TMEM161B: variants seen among roughly 807,000 people sequenced by gnomAD.
TMEM161B encodes transmembrane protein 161B.
In TMEM161B, 34 loss-of-function variants were observed where a neutral mutation model predicts 61.8. That is an observed-to-expected ratio of 0.55 (90% confidence interval 0.42 to 0.73). TMEM161B has a LOEUF of 0.73. Among genes scored for constraint, TMEM161B ranks in the 30% least tolerant of loss-of-function variants. The pLI is 0.00. For synonymous variants in TMEM161B, 167 were observed against 192.8 expected (o/e 0.87, Z 1.11); for missense variants, 456 against 558.5 (o/e 0.82, Z 1.85).
At chr5:88,205,091 T>C (rs574105070) in intron 8 of TMEM161B, among the ~76,000 whole-genome samples, 5 of 152,280 alleles carry the variant, frequency 3.3e-5, no homozygotes, top group South Asian at 4.1e-4. Flanking sequence ...TGCATATGAT[T>C]TGAAGTAGAT....
At chr5:88,230,296 G>A (rs1341640114) in intron 2 of TMEM161B, among the ~76,000 whole-genome samples, 1 of 152,132 alleles carries the variant, frequency 6.6e-6, no homozygotes, top group Non-Finnish European at 1.5e-5. Flanking sequence ...ATGATAATGA[G>A]ATTGTGGTAA....
intron 4 of TMEM161B, among the ~76,000 whole-genome samples, chr5:88,222,860 C>A (rs768268662): frequency 2.8e-4 from 43 of 151,962 alleles, no homozygotes; most frequent in Non-Finnish European, 8.8e-5. Flanking sequence ...TATATATATG[C>A]CTTTTAATAA....
At chr5:88,207,290 AGT>A in intron 5 of TMEM161B, 110 bp from the exon 6 acceptor site, 2 of 1,075,806 alleles carry the variant, frequency 1.9e-6, no homozygotes, top group Non-Finnish European at 2.6e-6. Flanking sequence ...TTTATTTCCA[AGT>A]GGAGTTTAAA....
intron 1 of TMEM161B, among the ~76,000 whole-genome samples, chr5:88,266,260 C>T (rs907600422): frequency 6.6e-6 from 1 of 152,086 alleles, no homozygotes; most frequent in Non-Finnish European, 1.5e-5. Context: ...CAAAACATTC[C>T]AAGAGTTGTG....
downstream of TMEM161B, among the ~76,000 whole-genome samples, chr5:88,190,476 T>C (rs1748693914): frequency 6.6e-6 from 1 of 152,158 alleles, no homozygotes; most frequent in African/African-American, 2.4e-5. Context: ...GTCCTCCCTC[T>C]ACCTGGAGAA....
chr5:88,225,085 A>T (rs1749795795), intron 4 of TMEM161B, among the ~76,000 whole-genome samples: 1 of 146,352 alleles, frequency 6.8e-6, no homozygotes, highest in Non-Finnish European at 1.5e-5. Context: ...CTCCTGCCTC[A>T]GCTCCCTGAG....
In TMEM161B at chr5:88,207,100, A is replaced by T. The variant is rs1302698146; in HGVS notation, c.527T>A (p.Phe176Tyr). 6.2e-7 allele frequency: 1 copy of T among 1,613,110 alleles called. No homozygotes were observed. Among genetic ancestry groups the T allele is most frequent in the East Asian group, 2.2e-5 (1 of 44,720 alleles). Residue 176 changes from phenylalanine (F) to tyrosine (Y), a missense_variant, in exon 6 of 12, where the codon TTT becomes TAT. Phe to Tyr is a conservative substitution (Grantham distance 22). Transcript: ENST00000296595. The part of the protein sequence containing the change: ...GERSVCVTFG[F>Y]FFFVKAMAVL... ...TGCCATTGCTTTGACAAAGAAAAAA[A>T]ATCCAAAGGTGACACAAACAGATCT...
At position 88,223,941 on chromosome 5, in the gene TMEM161B, A is replaced by G. The variant is rs150489877; in HGVS notation, c.289+1828T>C. On this transcript the variant is annotated intron_variant, in intron 4 of 11. Transcript: ENST00000296595. ...AAATCATATTAGACAAGTGATTTAT[A>G]TTGTTCTTCACTGATATTTTTTAGT... Among the ~76,000 whole-genome samples, 585 of 152,266 alleles carry G rather than the reference A, an allele frequency of 3.8e-3. 5 individuals are homozygous for G. The highest frequency in any genetic ancestry group is 0.02 in the Middle Eastern group (6 of 294).
chr5:88,235,268 A>T (rs1038314691), intron 2 of TMEM161B, among the ~76,000 whole-genome samples: 2 of 152,228 alleles, frequency 1.3e-5, no homozygotes, highest in African/African-American at 2.4e-5. Context: ...TAGAAACCTA[A>T]ATGTGAGCAA....
At chr5:88,228,300 C>G in intron 3 of TMEM161B, 145 bp downstream of exon 3, 1 of 622,850 alleles carries the variant, frequency 1.6e-6, no homozygotes, top group South Asian at 2.0e-5. Context: ...TATATTACTA[C>G]AGATTAGATT....
At chr5:88,246,563 G>T (rs917719367) in intron 1 of TMEM161B, among the ~76,000 whole-genome samples, 1 of 151,814 alleles carries the variant, frequency 6.6e-6, no homozygotes, top group African/African-American at 2.4e-5. Flanking sequence ...ATGTATTAAT[G>T]TATAAAGTAG....
intron 5 of TMEM161B, among the ~76,000 whole-genome samples, chr5:88,210,820 C>T (rs1044007119): frequency 2.0e-5 from 3 of 152,038 alleles, no homozygotes; most frequent in African/African-American, 7.3e-5. Flanking sequence ...CTAACCAAGC[C>T]CTAATTACAT....
At chr5:88,253,893 A>G (rs373845) in intron 1 of TMEM161B, among the ~76,000 whole-genome samples, 119,550 of 151,898 alleles carry the variant, frequency 0.79, 47,179 homozygotes, top group South Asian at 0.86. Context: ...GTTTCAGTAA[A>G]ATAAGACTTA....
downstream of TMEM161B, among the ~76,000 whole-genome samples, chr5:88,192,296 A>G (rs931064940): frequency 6.6e-6 from 1 of 152,086 alleles, no homozygotes; most frequent in Non-Finnish European, 1.5e-5. Context: ...TCCATTAAAA[A>G]TAGGCCTGTC....
intron 2 of TMEM161B, among the ~76,000 whole-genome samples, chr5:88,230,738 T>C (rs962042987): frequency 3.3e-5 from 5 of 152,316 alleles, no homozygotes; most frequent in African/African-American, 1.2e-4. Flanking sequence ...CTTCTTGTGG[T>C]ATAATAAAAA....
chr5:88,241,212 G>A (rs557235868), intron 1 of TMEM161B, among the ~76,000 whole-genome samples: 1 of 151,794 alleles, frequency 6.6e-6, no homozygotes, highest in African/African-American at 2.4e-5. Flanking sequence ...ATCTAGAGAC[G>A]ATTTCAAGTA....
At chr5:88,228,140 C>T (rs554232976) in intron 3 of TMEM161B, among the ~76,000 whole-genome samples, 6 of 152,252 alleles carry the variant, frequency 3.9e-5, no homozygotes, top group Non-Finnish European at 7.4e-5. Flanking sequence ...CAACTGACGT[C>T]TTTAATTAGT....
At chr5:88,248,587 T>C (rs988370074) in intron 1 of TMEM161B, among the ~76,000 whole-genome samples, 2 of 151,974 alleles carry the variant, frequency 1.3e-5, no homozygotes, top group Non-Finnish European at 2.9e-5. Flanking sequence ...TCTTCCAAAA[T>C]TGTGGTACCT....
intron 5 of TMEM161B, among the ~76,000 whole-genome samples, chr5:88,219,850 A>C (rs925885639): frequency 6.6e-6 from 1 of 152,166 alleles, no homozygotes; most frequent in African/African-American, 2.4e-5. Flanking sequence ...CAAAAAAGAA[A>C]AAGAATAAAC....
Sources: allele counts gnomAD v4.1 joint callset (sites outside exome capture counted in the v4.1 genomes callset), GRCh38; gene constraint gnomAD v4.1.1; transcripts MANE v1.5; gene names NCBI Gene and HGNC (gene_info 2026-07-23, HGNC 2026-07-21).